SRC: variants seen among roughly 807,000 people sequenced by gnomAD.
SRC encodes SRC proto-oncogene, non-receptor tyrosine kinase.
SRC carries 13 observed loss-of-function variants against 62.9 expected under a neutral mutation model. That is an observed-to-expected ratio of 0.21 (90% CI 0.13 to 0.33). The LOEUF is 0.33. SRC is among the 10% of genes least tolerant of loss of function. The pLI is 1.00. For missense variants in SRC, 457 were observed against 737.3 expected (o/e 0.62, Z 4.40); for synonymous variants, 302 against 317.5 (o/e 0.95, Z 0.52).
chr20:37,402,356 TCTCCAG>T lies in SRC; in HGVS notation c.1117-77_1117-72del. On this transcript the variant is annotated intron_variant, in intron 11 of 13. Transcript: ENST00000373578. The surrounding 1 kb of genome is among the most constrained non-coding windows in gnomAD (Gnocchi z 6.2). ...GGAGGGTGGGGAAGGGGTGGTTGGC[TCTCCAG>T]CCCCAGAGTGCTCTGTGGCCCTGGG... 1 of 1,544,896 alleles carries T rather than the reference TCTCCAG, an allele frequency of 6.5e-7. No homozygotes were observed. Among genetic ancestry groups the T allele is most frequent in the Non-Finnish European group, 8.7e-7 (1 of 1,143,486 alleles).
At chr20:37,353,328 A>G (rs1194808047) in intron 1 of SRC, among the ~76,000 whole-genome samples, 1 of 152,074 alleles carries the variant, frequency 6.6e-6, no homozygotes, top group East Asian at 1.9e-4. Flanking sequence ...AGCTCTGTGA[A>G]TAGCATGACT....
chr20:37,357,961 A>T (rs886104059), intron 1 of SRC, among the ~76,000 whole-genome samples: 2 of 151,750 alleles, frequency 1.3e-5, no homozygotes, highest in Non-Finnish European at 2.9e-5. Context: ...GAGGGGAGGG[A>T]TGGGGTTGGT....
intron 7 of SRC, among the ~76,000 whole-genome samples, chr20:37,394,780 G>A (rs1327054904): frequency 2.6e-5 from 4 of 152,228 alleles, no homozygotes; most frequent in Non-Finnish European, 4.4e-5. Flanking sequence ...CCGTCACCAT[G>A]GCAGCCAAGC....
intron 2 of SRC, among the ~76,000 whole-genome samples, chr20:37,368,286 C>T (rs1600972730): frequency 1.3e-5 from 2 of 151,966 alleles, no homozygotes; most frequent in African/African-American, 2.4e-5. Flanking sequence ...GGCGCACTGG[C>T]GGGCACCTGT....
At chr20:37,372,727 C>T (rs76448157) in intron 2 of SRC, among the ~76,000 whole-genome samples, 7,656 of 151,792 alleles carry the variant, frequency 0.05, 270 homozygotes, top group Non-Finnish European at 0.062. Flanking sequence ...CATATGTTTG[C>T]GAGCCATTTG....
At chr20:37,399,087 C>T (rs1255940353) in intron 9 of SRC, among the ~76,000 whole-genome samples, 2 of 152,246 alleles carry the variant, frequency 1.3e-5, no homozygotes, top group Non-Finnish European at 2.9e-5. Context: ...ATGATAACCA[C>T]ATTACTTACT....
At chr20:37,400,033 C>T (rs1012655735) in intron 9 of SRC, 82 bp from the exon 10 acceptor site, 21 of 1,392,184 alleles carry the variant, frequency 1.5e-5, no homozygotes, top group East Asian at 1.5e-4. Flanking sequence ...CTGACACTGG[C>T]GCCCAGGTGG....
chr20:37,379,524 G>T (rs2070329154), intron 2 of SRC, among the ~76,000 whole-genome samples: 1 of 151,488 alleles, frequency 6.6e-6, no homozygotes, highest in South Asian at 2.1e-4. Context: ...TAGCTTTCGA[G>T]ACCAGCCCAG....
intron 2 of SRC, among the ~76,000 whole-genome samples, chr20:37,377,864 T>C (rs531083062): frequency 6.6e-6 from 1 of 152,270 alleles, no homozygotes; most frequent in East Asian, 1.9e-4. Flanking sequence ...CAGAGCTTTC[T>C]TTTTTTAAAG....
chr20:37,356,420 A>G (rs1227690148), intron 1 of SRC, among the ~76,000 whole-genome samples: 1 of 151,834 alleles, frequency 6.6e-6, no homozygotes, highest in Non-Finnish European at 1.5e-5. Flanking sequence ...GTGTGGCTTC[A>G]GTGAGGTGGC....
At chr20:37,389,944 T>C (rs1027146320) in intron 5 of SRC, among the ~76,000 whole-genome samples, 1 of 152,126 alleles carries the variant, frequency 6.6e-6, no homozygotes, top group Admixed American at 6.5e-5. Context: ...TGCCGTAGAA[T>C]TCCTCTCCCT....
At chr20:37,372,158 T>C (rs1340530943) in intron 2 of SRC, among the ~76,000 whole-genome samples, 1 of 152,026 alleles carries the variant, frequency 6.6e-6, no homozygotes, top group Non-Finnish European at 1.5e-5. Context: ...CCACCATGCC[T>C]GACGATTTTT....
intron 1 of SRC, among the ~76,000 whole-genome samples, chr20:37,359,579 ACC>A (rs1220706022): frequency 6.6e-6 from 1 of 151,920 alleles, no homozygotes; most frequent in Non-Finnish European, 1.5e-5. Flanking sequence ...CAGTGGGGAG[ACC>A]CCGAGGCAGG....
At chr20:37,386,498 C>T (rs1418144543) in intron 5 of SRC, 12 of 453,806 alleles carry the variant, frequency 2.6e-5, no homozygotes, top group African/African-American at 8.4e-5. Context: ...GCTCCGTGGG[C>T]GGCGGGCTGG....
chr20:37,384,909 A>C lies in SRC; in HGVS notation c.250+506A>C, dbSNP rs2147054930. ...AGCCCCGGAGAGGGCCGTTTTGGAGAGCCGCGGCGGTGCCCCAGACACTCC... is the reference window on the plus strand; with the variant it reads ...AGCCCCGGAGAGGGCCGTTTTGGAGCGCCGCGGCGGTGCCCCAGACACTCC... On this transcript the variant is annotated intron_variant, in intron 4 of 13. Coordinates refer to ENST00000373578, the MANE Select transcript of SRC (RefSeq NM_198291.3). The surrounding 1 kb of genome is among the most constrained non-coding windows in gnomAD (Gnocchi z 6.7). Among the ~76,000 whole-genome samples, 1 of 152,144 alleles carries C rather than the reference A, an allele frequency of 6.6e-6. No homozygotes were observed. Among genetic ancestry groups the C allele is most frequent in the African/African-American group, 2.4e-5 (1 of 41,508 alleles).
At position 37,390,687 on chromosome 20, in the gene SRC, G is replaced by A. The variant is rs550812931; in HGVS notation, c.351-3208G>A. Among the ~76,000 whole-genome samples, 6 of 152,286 alleles carry A rather than the reference G, an allele frequency of 3.9e-5. No homozygotes were observed. The South Asian group carries it at 8.3e-4, about 21-fold the overall frequency. On this transcript the variant is annotated intron_variant, in intron 5 of 13. Coordinates refer to ENST00000373578, the MANE Select transcript of SRC (RefSeq NM_198291.3). ...CCCGAAGTGTTGGGATCACAGGCGT[G>A]AGCCACCGTGCGCTGTCTGTTCTGG...
At chr20:37,363,758 C>T (rs982064248) in intron 1 of SRC, among the ~76,000 whole-genome samples, 2 of 152,154 alleles carry the variant, frequency 1.3e-5, no homozygotes, top group African/African-American at 2.4e-5. Context: ...CTTCCTTGGG[C>T]GGTTCCCAGG....
chr20:37,397,474 T>A lies in SRC; in HGVS notation c.704-225T>A, dbSNP rs2147106292. ...AGGGTTCCTGGCACCCCCTACTGTC[T>A]GCTGAATGACTGACTGAATGACTGA... On this transcript the variant is annotated intron_variant, in intron 8 of 13. Transcript: ENST00000373578. This position sits in a 1 kb window ranked among gnomAD's most constrained non-coding sequence, Gnocchi z 4.1. 6.6e-6 allele frequency among the ~76,000 whole-genome samples: 1 copy of A among 152,352 alleles called. No individual in the cohort carries two copies. Among genetic ancestry groups the A allele is most frequent in the Non-Finnish European group, 1.5e-5 (1 of 68,024 alleles).
chr20:37,367,917 T>G (rs911491677), intron 2 of SRC, among the ~76,000 whole-genome samples: 1 of 152,228 alleles, frequency 6.6e-6, no homozygotes, highest in Non-Finnish European at 1.5e-5. Flanking sequence ...GCACTGGGAT[T>G]ACATGCATGA....
Sources: allele counts gnomAD v4.1 joint callset (sites outside exome capture counted in the v4.1 genomes callset), GRCh38; gene constraint gnomAD v4.1.1; non-coding constraint Gnocchi (gnomAD v3.1); transcripts MANE v1.5; gene names NCBI Gene and HGNC (gene_info 2026-07-23, HGNC 2026-07-21).